The following DNAH3 variants were observed in gnomAD, a reference collection of about 807,000 sequenced individuals.
DNAH3 encodes the protein dynein axonemal heavy chain 3.
Under a neutral mutation model 432.5 loss-of-function variants are expected in DNAH3, and 332 were observed. That is an observed-to-expected ratio of 0.77 (90% CI 0.70 to 0.84). The LOEUF (loss-of-function observed/expected upper bound fraction) is 0.84. DNAH3 is among the 40% of genes least tolerant of loss of function. The pLI is 0.00. For synonymous variants in DNAH3, 1,956 were observed against 1,900.2 expected (o/e 1.03, Z -0.76); for missense variants, 4,861 against 5,114.0 (o/e 0.95, Z 1.51).
chr16:20,997,045 T>C (rs901757379), intron 44 of DNAH3: 6 of 458,382 alleles, frequency 1.3e-5, no homozygotes, highest in African/African-American at 1.2e-4. Context: ...CCTTTTCCTA[T>C]GAGACTCTCT....
rs372868807 is a variant in DNAH3 at position 20,979,457 on chromosome 16, G to A, written c.7949C>T (p.Thr2650Ile). The change falls in exon 50 of 62, where the codon ACC (threonine) becomes ATC (isoleucine). Residue 2650 changes from threonine to isoleucine, a missense_variant. By Grantham distance (89) the Thr-to-Ile change is moderately conservative. Coordinates refer to ENST00000261383, the Ensembl canonical transcript of DNAH3. ...AATCAATTCAAGGTAGGAGGTGGGG[G>A]TAACATAGTTGTGTCTTCGAAGTTT... 4.3e-6 allele frequency: 7 copies of A among 1,614,120 alleles called. No homozygotes were observed. The East Asian group carries it at 1.1e-4, about 26-fold the overall frequency.
rs2084988558 is a variant in DNAH3 at position 20,964,979 on chromosome 16, T to C, written c.8905A>G (p.Lys2969Glu). ...TCTCCCCCAAGACCACTGATCAGTT[T>C]CTCTGCCCTGACCAGCTTTTGGGAG... is the stretch of plus-strand genomic sequence containing the variant. Residue 2969 changes from lysine (K) to glutamate (E), a missense_variant, in exon 53 of 62, where the codon AAA (lysine) becomes GAA (glutamate). Lys to Glu is a moderately conservative substitution (Grantham distance 56, BLOSUM62 1). Transcript: ENST00000261383. The C allele has an allele frequency of 6.2e-7, 1 of 1,614,062 alleles. No homozygotes were observed. The highest frequency in any genetic ancestry group is 1.3e-5 in the African/African-American group (1 of 74,922).
chr16:21,090,718 G>C (rs1401405591), intron 18 of DNAH3, among the ~76,000 whole-genome samples: 1 of 152,156 alleles, frequency 6.6e-6, no homozygotes, highest in Non-Finnish European at 1.5e-5. Flanking sequence ...GAGTAGAAAG[G>C]CAGTTACCAG....
intron 11 of DNAH3, among the ~76,000 whole-genome samples, chr16:21,118,707 C>G (rs2092265438): frequency 6.6e-6 from 1 of 152,154 alleles, no homozygotes; most frequent in Admixed American, 6.5e-5. Flanking sequence ...GGAGGTGGAC[C>G]TGTAATTGTA....
rs1889169393 is a variant in DNAH3 at position 20,980,238 on chromosome 16, T to TA, written c.7860-693dup. On this transcript the variant is annotated intron_variant, in intron 49 of 61. Transcript: ENST00000261383. ...TTATTTATATTATTTATTTATATTATATATATAATATACATCATATATTAT... is the reference window on the plus strand; with the variant it reads ...TTATTTATATTATTTATTTATATTATAATATATAATATACATCATATATTAT... 9.8e-4 allele frequency among the ~76,000 whole-genome samples: 93 copies of TA among 95,104 alleles called. 1 individual carries two copies. The South Asian group carries it at 0.033, about 34-fold the overall frequency. 62.4% of individuals were successfully genotyped at this position (95,104 alleles called of 152,430 possible).
At chr16:21,079,594 A>G (rs1389891817) in intron 20 of DNAH3, among the ~76,000 whole-genome samples, 1 of 152,094 alleles carries the variant, frequency 6.6e-6, no homozygotes, top group African/African-American at 2.4e-5. Context: ...CTGAGATTGC[A>G]CCATTGCACT....
intron 23 of DNAH3, among the ~76,000 whole-genome samples, chr16:21,067,794 A>AGAGAGAGAGAGAGAGAGG (rs1242311053): frequency 7.7e-6 from 1 of 130,604 alleles, no homozygotes; most frequent in African/African-American, 2.8e-5. Context: ...AGAGAGAGAG[A>AGAGAGAGAGAGAGAGAGG]GAGAGAGACT....
intron 1 of DNAH3, among the ~76,000 whole-genome samples, chr16:21,152,198 C>T (rs530450751): frequency 6.6e-6 from 1 of 152,200 alleles, no homozygotes; most frequent in South Asian, 2.1e-4. Flanking sequence ...TGCCACTGCA[C>T]CCCAGCCTGG....
At chr16:21,009,959 GGAA>G (rs970070469) in intron 41 of DNAH3, among the ~76,000 whole-genome samples, 5 of 139,392 alleles carry the variant, frequency 3.6e-5, no homozygotes, top group African/African-American at 1.3e-4. Flanking sequence ...GGAAGGGAAG[GGAA>G]GAGGAGAAGA....
chr16:21,157,963 A>G (rs1285056240), intron 1 of DNAH3, among the ~76,000 whole-genome samples: 1 of 151,466 alleles, frequency 6.6e-6, no homozygotes, highest in Non-Finnish European at 1.5e-5. Flanking sequence ...AGAGGCTAGG[A>G]TATTGCTAAA....
chr16:21,131,490 A>G (rs954326210), intron 7 of DNAH3, among the ~76,000 whole-genome samples: 1 of 606 alleles, frequency 1.7e-3, no homozygotes, highest in Non-Finnish European at 3.8e-3. Flanking sequence ...AAAGAAAAGA[A>G]AGAGAGATGA....
At chr16:21,113,511 T>G (rs1418695964) in intron 12 of DNAH3, among the ~76,000 whole-genome samples, 1 of 152,182 alleles carries the variant, frequency 6.6e-6, no homozygotes, top group African/African-American at 2.4e-5. Context: ...CAGGCTGGAG[T>G]GCAGTGCTGT....
exon 44 of DNAH3, chr16:20,997,458 G>A: frequency 6.2e-7 from 1 of 1,613,882 alleles, no homozygotes; most frequent in Non-Finnish European, 8.5e-7. Context: ...GCATGTTGAG[G>A]TCATCTGGGG....
chr16:21,043,846 TG>T (rs2089568792), intron 31 of DNAH3, among the ~76,000 whole-genome samples: 1 of 126,688 alleles, frequency 7.9e-6, no homozygotes, highest in Non-Finnish European at 1.6e-5. Flanking sequence ...AATTGATTTT[TG>T]TATAAGGTGT....
intron 38 of DNAH3, among the ~76,000 whole-genome samples, chr16:21,026,014 C>T (rs921512500): frequency 4.6e-5 from 7 of 152,106 alleles, no homozygotes; most frequent in Admixed American, 4.6e-4. Flanking sequence ...GCTGGGATTA[C>T]AGCATAAGTC....
intron 14 of DNAH3, among the ~76,000 whole-genome samples, chr16:21,109,047 T>C (rs1367160166): frequency 1.4e-5 from 2 of 145,842 alleles, no homozygotes; most frequent in Non-Finnish European, 3.0e-5. Context: ...CACTTGAATC[T>C]GGGAGGCGGA....
Position 21,114,629 on chromosome 16 carries a change from C to G in DNAH3, c.1815-2531G>C, listed in dbSNP as rs371001348. Among the ~76,000 whole-genome samples, 42 of 152,268 alleles carry G rather than the reference C, an allele frequency of 2.8e-4. No homozygotes were observed. The East Asian group carries it at 3.7e-3, about 13-fold the overall frequency. On this transcript the variant is annotated intron_variant, in intron 12 of 61. Transcript: ENST00000261383. ...AAAAGACATTTATGCAGCCAAAAGA[C>G]ACATGAAAAAATGCTCATCATCACT...
intron 24 of DNAH3, 166 bp from the exon 25 acceptor site, chr16:21,062,849 A>G: frequency 1.6e-6 from 1 of 614,578 alleles, no homozygotes; most frequent in Non-Finnish European, 2.8e-6. Flanking sequence ...GGGGCATGGA[A>G]GGTGGAGTTT....
At chr16:21,020,397 ATTTTTTTTTTT>A (rs56049638) in intron 40 of DNAH3, among the ~76,000 whole-genome samples, 5 of 34,590 alleles carry the variant, frequency 1.4e-4, no homozygotes, top group Admixed American at 6.4e-4. Flanking sequence ...ATATATATAT[ATTTTTTTTTTT>A]TTTTTTTTTT....
Sources: gnomAD v4.1 joint callset for allele counts (sites outside exome capture counted in the v4.1 genomes callset) on GRCh38, gnomAD v4.1.1 for gene constraint, MANE v1.5 for transcripts, NCBI Gene and HGNC (gene_info 2026-07-23, HGNC 2026-07-21) for gene names.